Variants in AP1AR observed in about 807,000 individuals in gnomAD.
The protein encoded by AP1AR is adaptor related protein complex 1 associated regulatory protein.
A neutral mutation model predicts 46.3 loss-of-function variants in AP1AR; 29 were observed. That is an observed-to-expected ratio of 0.63 (90% confidence interval 0.47 to 0.85). AP1AR has a LOEUF of 0.85. Ranked by LOEUF, AP1AR falls within the 40% of genes least tolerant of loss-of-function variation. The probability of loss-of-function intolerance (pLI) is 0.00; values close to 1 mark genes in which losing one functional copy is unlikely to be tolerated. For synonymous variants in AP1AR, 122 were observed against 122.9 expected (o/e 0.99, Z 0.05); for missense variants, 357 against 356.3 (o/e 1.00, Z -0.02).
chr4:112,233,111 T>G (rs569579872), intron 1 of AP1AR, among the ~76,000 whole-genome samples: 7 of 152,362 alleles, frequency 4.6e-5, no homozygotes, highest in Non-Finnish European at 1.0e-4. Flanking sequence ...TTGCACTTTC[T>G]GAAACAGATT....
At chr4:112,240,116 C>T (rs1400098610) in intron 1 of AP1AR, among the ~76,000 whole-genome samples, 1 of 152,202 alleles carries the variant, frequency 6.6e-6, no homozygotes, top group Non-Finnish European at 1.5e-5. Context: ...GCTTACCAAA[C>T]TTGTAGGATA....
At chr4:112,262,486 CTTACAT>C (rs576269541) in intron 5 of AP1AR, among the ~76,000 whole-genome samples, 9 of 152,228 alleles carry the variant, frequency 5.9e-5, no homozygotes, top group African/African-American at 2.2e-4. Flanking sequence ...ATAGCAAGAA[CTTACAT>C]TTGAAAGTAA....
intron 2 of AP1AR, among the ~76,000 whole-genome samples, chr4:112,254,177 G>A (rs1726084079): frequency 6.6e-6 from 1 of 152,000 alleles, no homozygotes; most frequent in Non-Finnish European, 1.5e-5. Flanking sequence ...CTTTTATTAG[G>A]TCACTGACAT....
intron 1 of AP1AR, 88 bp downstream of exon 1, chr4:112,232,262 T>A (rs1725044374): frequency 8.6e-7 from 1 of 1,165,856 alleles, no homozygotes; most frequent in Non-Finnish European, 1.1e-6. Context: ...CCCCGGCGGC[T>A]GGAGGTGGCG....
intron 1 of AP1AR, among the ~76,000 whole-genome samples, chr4:112,235,354 C>T (rs1282582749): frequency 6.6e-6 from 1 of 152,172 alleles, no homozygotes; most frequent in African/African-American, 2.4e-5. Context: ...AGTGATTCCA[C>T]TTAAGATAAA....
rs1484788599 is a variant in AP1AR at position 112,232,135 on chromosome 4, A to C, written c.44A>C (p.Lys15Thr). ...CWTQCFGLLRKEAGRLQRVGG... is the reference protein window; with the variant it reads ...CWTQCFGLLRTEAGRLQRVGG... ...ACGCAGTGCTTCGGACTGCTTCGCA[A>C]GGAAGCGGGGCGGCTGCAGCGAGTA... is the stretch of plus-strand genomic sequence containing the variant. The change falls in exon 1 of 10, where the codon AAG (lysine) becomes ACG (threonine). Residue 15 changes from lysine to threonine, a missense_variant. Coordinates refer to ENST00000274000, the MANE Select transcript of AP1AR (RefSeq NM_018569.6). The C allele has an allele frequency of 1.1e-5, 14 of 1,281,072 alleles. No homozygotes were observed. Among genetic ancestry groups the C allele is most frequent in the Non-Finnish European group, 1.4e-5 (14 of 1,005,256 alleles). The allele number at this position is 1,281,072 out of a possible 1,614,324, so 79.4% of individuals were successfully genotyped here.
rs1725020850 is a variant in AP1AR, at chr4:112,231,982, C to T, written c.-110C>T. 4.8e-6 allele frequency: 5 copies of T among 1,051,948 alleles called. No homozygotes were observed. The highest frequency in any genetic ancestry group is 8.5e-5 in the Admixed American group (2 of 23,640). The allele number at this position is 1,051,948 out of a possible 1,614,324, so 65.2% of individuals were successfully genotyped here. A position where few individuals can be genotyped will look rare whatever the true frequency, so the allele number is the denominator to read the frequency against. ...CGCCGGGCTCTGGCCGGCCCGCCCT[C>T]GGTCCTTGAACCCCATTTCGGCTCG... On this transcript the variant is annotated 5_prime_UTR_variant, in exon 1 of 10. Transcript: ENST00000274000.
chr4:112,235,420 T>G (rs894246481), intron 1 of AP1AR, among the ~76,000 whole-genome samples: 2 of 152,218 alleles, frequency 1.3e-5, no homozygotes, highest in African/African-American at 4.8e-5. Context: ...ATGTAACATT[T>G]GTTGGCCTTT....
rs549924094 is a variant in AP1AR, at chr4:112,253,357, G to A, written c.132+101G>A. The A allele has an allele frequency of 3.7e-6, 3 of 820,142 alleles. No individual in the cohort carries two copies. In the African/African-American group the frequency reaches 5.2e-5, roughly 14 times the overall value. The allele number at this position is 820,142 out of a possible 1,614,324, so 50.8% of individuals were successfully genotyped here. A position where few individuals can be genotyped will look rare whatever the true frequency, so the allele number is the denominator to read the frequency against. On this transcript the variant is annotated intron_variant, in intron 2 of 9. Coordinates refer to ENST00000274000, the MANE Select transcript of AP1AR (RefSeq NM_018569.6). ...AAGATCTGGACCCAAATTTAGAATG[G>A]ACTGTTTATATTTCAATATTATTCA...
chr4:112,233,539 G>C (rs1725111757), intron 1 of AP1AR, among the ~76,000 whole-genome samples: 1 of 152,182 alleles, frequency 6.6e-6, no homozygotes. Context: ...ACAATCTTTG[G>C]CTTTTACTAT....
At chr4:112,241,582 A>G (rs1344872127) in intron 1 of AP1AR, among the ~76,000 whole-genome samples, 3 of 152,138 alleles carry the variant, frequency 2.0e-5, no homozygotes, top group Non-Finnish European at 4.4e-5. Flanking sequence ...GGAAAGGGCA[A>G]TTTGCTTTAC....
chr4:112,249,319 C>G (rs1725852829), intron 1 of AP1AR, among the ~76,000 whole-genome samples: 1 of 148,122 alleles, frequency 6.8e-6, no homozygotes, highest in African/African-American at 2.5e-5. Flanking sequence ...AACCTTCCTC[C>G]TCCAATCACG....
chr4:112,238,167 GCTC>G (rs761424518), intron 1 of AP1AR, among the ~76,000 whole-genome samples: 24 of 152,268 alleles, frequency 1.6e-4, no homozygotes, highest in Admixed American at 5.9e-4. Context: ...TACGCTAAGA[GCTC>G]CTCAAGGAGG....
chr4:112,260,799 A>T lies in AP1AR; in HGVS notation c.219A>T (p.Arg73Ser). The T allele has an allele frequency of 6.2e-7, 1 of 1,605,860 alleles. No homozygotes were observed. The change falls in exon 5 of 10, where the codon AGA (arginine) becomes AGT (serine). Residue 73 changes from arginine to serine, a missense_variant. By Grantham distance (110) the Arg-to-Ser change is moderately radical. This residue lies in a region of AP1AR where 269 missense variants were observed against 223.6 expected (regional missense o/e 1.20). Transcript: ENST00000274000. Reference protein sequence around the residue: ...PLTEEEIVDLRERHYDSIAEK... With the variant: ...PLTEEEIVDLSERHYDSIAEK... ...CTGAGGAAGAAATTGTTGACCTAAG[A>T]GAAAGGCATTATGATTCCATTGCCG...
At chr4:112,255,974 A>G (rs1042661350) in intron 3 of AP1AR, among the ~76,000 whole-genome samples, 3 of 152,350 alleles carry the variant, frequency 2.0e-5, no homozygotes, top group African/African-American at 7.2e-5. Flanking sequence ...AAGAACACTG[A>G]AAGTTGACAC....
At chr4:112,266,847 A>G (rs1366475652) in intron 9 of AP1AR, 131 bp downstream of exon 9, 4 of 837,074 alleles carry the variant, frequency 4.8e-6, no homozygotes, top group Non-Finnish European at 5.2e-6. Flanking sequence ...CACTTTTTAG[A>G]CCATTATTGT....
At position 112,271,654 on chromosome 4, in the gene AP1AR, C is replaced by T. The variant is rs1726954883; in HGVS notation, c.*3245C>T. Among the ~76,000 whole-genome samples the T allele has an allele frequency of 6.6e-6, 1 of 152,184 alleles. No individual in the cohort carries two copies. Among genetic ancestry groups the T allele is most frequent in the East Asian group, 1.9e-4 (1 of 5,194 alleles). On this transcript the variant is annotated 3_prime_UTR_variant, in exon 10 of 10. Coordinates refer to ENST00000274000, the MANE Select transcript of AP1AR (RefSeq NM_018569.6). ...TAACTTCTTGGTTCTGATTTGACTT[C>T]AGTGTAATGGGAGGAACAGGTTTGG...
intron 9 of AP1AR, 88 bp from the exon 10 acceptor site, chr4:112,268,056 A>G: frequency 7.5e-7 from 1 of 1,337,664 alleles, no homozygotes; most frequent in Non-Finnish European, 9.9e-7. Flanking sequence ...TGATAGTTAA[A>G]TAAAAACTAC....
At chr4:112,232,445 A>G (rs1206356889) in intron 1 of AP1AR, among the ~76,000 whole-genome samples, 1 of 152,198 alleles carries the variant, frequency 6.6e-6, no homozygotes, top group Non-Finnish European at 1.5e-5. Flanking sequence ...GGGAGACATC[A>G]TCTCCAGGAA....
Sources: allele counts gnomAD v4.1 joint callset (sites outside exome capture counted in the v4.1 genomes callset), GRCh38; gene constraint gnomAD v4.1.1; regional missense constraint gnomAD v4.1.1; transcripts MANE v1.5; gene names NCBI Gene and HGNC (gene_info 2026-07-23, HGNC 2026-07-21).